Variants in PLCXD2 observed in about 807,000 individuals in gnomAD.
PLCXD2 encodes the protein PI-PLC X domain-containing protein 2.
A neutral mutation model predicts 28.6 loss-of-function variants in PLCXD2; 21 were observed. That is an observed-to-expected ratio of 0.73 (90% confidence interval 0.52 to 1.06). The LOEUF (loss-of-function observed/expected upper bound fraction) is 1.06. Among genes scored for constraint, PLCXD2 ranks in the 50% least tolerant of loss-of-function variants. PLCXD2 has a pLI of 0.00. For synonymous variants in PLCXD2, 140 were observed against 150.1 expected, an observed-to-expected ratio of 0.93 and a Z score of 0.49; for missense variants, 369 against 376.7, an observed-to-expected ratio of 0.98 and a Z score of 0.17.
intron 2 of PLCXD2, 100 bp downstream of exon 2, chr3:111,708,486 G>A (rs945140882): frequency 8.8e-7 from 1 of 1,134,802 alleles, no homozygotes; most frequent in African/African-American, 1.6e-5. Context: ...AGGGCTCTTA[G>A]GCTAAAGAGT....
At chr3:111,684,614 A>C (rs913848103) in intron 1 of PLCXD2, among the ~76,000 whole-genome samples, 15 of 151,934 alleles carry the variant, frequency 9.9e-5, no homozygotes, top group Non-Finnish European at 2.1e-4. Flanking sequence ...AGATCATGCC[A>C]TTGCACTCCA....
chr3:111,713,949 G>A lies in PLCXD2; in HGVS notation c.687G>A (p.Lys229=). The change falls in exon 3 of 5, where the codon AAG becomes AAA. Residue 229 remains lysine (K), a synonymous_variant. Coordinates refer to ENST00000477665, the MANE Select transcript of PLCXD2 (RefSeq NM_001185106.1). ...ACCCCTTCCTGTGGCCAGGAAAGAAGATTCCAGCGCCCTGGGCAAACACCA... is the reference window on the plus strand; with the variant it reads ...ACCCCTTCCTGTGGCCAGGAAAGAAAATTCCAGCGCCCTGGGCAAACACCA... 1 of 1,614,186 alleles carries A rather than the reference G, an allele frequency of 6.2e-7. No individual in the cohort carries two copies. Among genetic ancestry groups the A allele is most frequent in the Non-Finnish European group, 8.5e-7 (1 of 1,180,042 alleles).
intron 1 of PLCXD2, among the ~76,000 whole-genome samples, chr3:111,684,161 C>T (rs1246186356): frequency 6.6e-6 from 1 of 151,952 alleles, no homozygotes; most frequent in African/African-American, 2.4e-5. Flanking sequence ...GAAACTCCAT[C>T]TCTACTAAAA....
intron 2 of PLCXD2, 152 bp downstream of exon 2, chr3:111,708,538 G>A: frequency 1.3e-6 from 1 of 770,694 alleles, no homozygotes. Flanking sequence ...TAGTTCCTGG[G>A]CTCTAGAATA....
rs190513626 is a variant in PLCXD2, at chr3:111,703,951, G to A, written c.164-3975G>A. 2.3e-3 allele frequency among the ~76,000 whole-genome samples: 357 copies of A among 152,142 alleles called. 1 individual carries two copies. The highest frequency in any genetic ancestry group is 3.3e-3 in the Non-Finnish European group (223 of 68,004). ...TTAATACTTACTGGATAGCCTCTAT[G>A]TTCCAGATGCTACATAAAAGTAAAG... On this transcript the variant is annotated intron_variant, in intron 1 of 4. Coordinates refer to ENST00000477665, the MANE Select transcript of PLCXD2 (RefSeq NM_001185106.1).
chr3:111,680,893 A>G (rs941031539), intron 1 of PLCXD2, among the ~76,000 whole-genome samples: 2 of 152,236 alleles, frequency 1.3e-5, no homozygotes, highest in Non-Finnish European at 2.9e-5. Flanking sequence ...TAATTCATAT[A>G]GTATGCTTTC....
intron 1 of PLCXD2, among the ~76,000 whole-genome samples, chr3:111,704,918 T>A (rs562034976): frequency 6.6e-6 from 1 of 152,086 alleles, no homozygotes; most frequent in African/African-American, 2.4e-5. Flanking sequence ...GTTCAAGTAA[T>A]GCTCACGCCT....
At chr3:111,714,243 A>G in intron 3 of PLCXD2, 115 bp downstream of exon 3, 1 of 1,335,392 alleles carries the variant, frequency 7.5e-7, no homozygotes, top group East Asian at 2.5e-5. Flanking sequence ...AAAACAACAA[A>G]ACAAGCAAAA....
In PLCXD2 at chr3:111,680,228, A is replaced by T. The variant is rs116287784; in HGVS notation, c.163+4820A>T. Among the ~76,000 whole-genome samples, 1,393 of 152,282 alleles carry T rather than the reference A, an allele frequency of 9.1e-3. 7 individuals are homozygous for T. Among genetic ancestry groups the T allele is most frequent in the Non-Finnish European group, 0.014 (934 of 68,032 alleles). On this transcript the variant is annotated intron_variant, in intron 1 of 4. Transcript: ENST00000477665. ...CTTAGTGGAGCAGGATGGAGTCATT[A>T]CTCAGATCTTGCTTCTGAAAGTTGA... is the stretch of plus-strand genomic sequence containing the variant.
rs1367021760 is a variant in PLCXD2 at position 111,674,998 on chromosome 3, A to G, written c.-248A>G. The G allele has an allele frequency of 2.1e-6, 1 of 478,604 alleles. No homozygotes were observed. Among genetic ancestry groups the G allele is most frequent in the African/African-American group, 2.0e-5 (1 of 50,798 alleles). 29.6% of individuals were successfully genotyped at this position (478,604 alleles called of 1,614,324 possible). On this transcript the variant is annotated 5_prime_UTR_variant, in exon 1 of 5. Transcript: ENST00000477665. ...CCTTCCCCCATCTCCAGAGGGGAAC[A>G]TAAGAAGTTTAACGGAGCTGGGACT...
At chr3:111,712,105 C>T (rs1941206929) in intron 2 of PLCXD2, among the ~76,000 whole-genome samples, 1 of 152,084 alleles carries the variant, frequency 6.6e-6, no homozygotes, top group East Asian at 1.9e-4. Context: ...CACCTAGATC[C>T]CTGTACAGTG....
At chr3:111,723,925 G>A (rs1425205623) in intron 3 of PLCXD2, 1 of 152,144 alleles carries the variant, frequency 6.6e-6, no homozygotes, top group Non-Finnish European at 1.5e-5. Flanking sequence ...GAGCCAAAGA[G>A]GACTTTAGTT....
At chr3:111,695,527 A>G (rs1479180618) in intron 1 of PLCXD2, among the ~76,000 whole-genome samples, 1 of 152,276 alleles carries the variant, frequency 6.6e-6, no homozygotes, top group Non-Finnish European at 1.5e-5. Flanking sequence ...TGGAAAACCA[A>G]CACTGTGAAA....
intron 2 of PLCXD2, among the ~76,000 whole-genome samples, chr3:111,710,390 C>T (rs370544124): frequency 6.6e-6 from 1 of 152,188 alleles, no homozygotes; most frequent in East Asian, 1.9e-4. Context: ...TGAACCTTTA[C>T]AATGAGCTAC....
chr3:111,692,869 C>G (rs917749323), intron 1 of PLCXD2, among the ~76,000 whole-genome samples: 1 of 152,136 alleles, frequency 6.6e-6, no homozygotes, highest in Non-Finnish European at 1.5e-5. Context: ...CCTTTCCCTA[C>G]GTGTGGAAGG....
chr3:111,712,764 C>T (rs571330735), intron 2 of PLCXD2, among the ~76,000 whole-genome samples: 98 of 152,274 alleles, frequency 6.4e-4, no homozygotes, highest in African/African-American at 2.2e-3. Context: ...GTCCAGGCCT[C>T]GTGAGCATGT....
In PLCXD2 at chr3:111,708,221, C is replaced by G; in HGVS notation, c.459C>G (p.His153Gln). The change falls in exon 2 of 5, where the codon CAC becomes CAG. Residue 153 changes from histidine (H) to glutamine (Q), a missense_variant. By Grantham distance (24) the His-to-Gln change is conservative. Transcript: ENST00000477665. Reference sequence around the variant, plus strand: ...AAATTGACTCGTTTCTTACACAGCACCCCCAGGAGATTATCTTCCTGGATT... The same window carrying G: ...AAATTGACTCGTTTCTTACACAGCAGCCCCAGGAGATTATCTTCCTGGATT... The G allele has an allele frequency of 6.2e-7, 1 of 1,614,102 alleles. No homozygotes were observed. Among genetic ancestry groups the G allele is most frequent in the South Asian group, 1.1e-5 (1 of 91,072 alleles).
At chr3:111,682,995 A>G (rs973553845) in intron 1 of PLCXD2, among the ~76,000 whole-genome samples, 1 of 152,222 alleles carries the variant, frequency 6.6e-6, no homozygotes, top group African/African-American at 2.4e-5. Flanking sequence ...CTTTTGTGCC[A>G]GGTACTGTGT....
chr3:111,715,108 C>A (rs1039722263), intron 3 of PLCXD2, among the ~76,000 whole-genome samples: 3 of 152,106 alleles, frequency 2.0e-5, no homozygotes, highest in Non-Finnish European at 4.4e-5. Context: ...CTAGATTTTT[C>A]TTTCTTGGTG....
Sources: allele counts gnomAD v4.1 joint callset (sites outside exome capture counted in the v4.1 genomes callset), GRCh38; gene constraint gnomAD v4.1.1; transcripts MANE v1.5; gene names NCBI Gene and HGNC (gene_info 2026-07-23, HGNC 2026-07-21).